NALF1: variants seen among roughly 807,000 people sequenced by gnomAD.
NALF1 encodes NALCN channel auxiliary factor 1.
Under a neutral mutation model 48.4 loss-of-function variants are expected in NALF1, and 3 were observed. That is an observed-to-expected ratio of 0.06 (90% CI 0.03 to 0.16). The LOEUF (loss-of-function observed/expected upper bound fraction) is 0.16. Ranked by LOEUF, NALF1 falls within the 10% of genes least tolerant of loss-of-function variation. The pLI is 1.00. For synonymous variants in NALF1, 262 were observed against 245.7 expected (o/e 1.07, Z -0.62); for missense variants, 526 against 571.5 (o/e 0.92, Z 0.81).
At chr13:107,790,168 T>C (rs992148364) in intron 1 of NALF1, among the ~76,000 whole-genome samples, 3 of 152,200 alleles carry the variant, frequency 2.0e-5, no homozygotes, top group Non-Finnish European at 4.4e-5. Flanking sequence ...CAACCATCAA[T>C]GTTTATTAAG....
chr13:107,720,379 C>T (rs989260159), intron 1 of NALF1, among the ~76,000 whole-genome samples: 6 of 151,948 alleles, frequency 3.9e-5, no homozygotes, highest in Admixed American at 6.5e-5. Flanking sequence ...GGCGCGGTGG[C>T]GCACACCTGT....
chr13:107,385,347 G>T (rs755908197), intron 1 of NALF1, among the ~76,000 whole-genome samples: 4 of 152,104 alleles, frequency 2.6e-5, no homozygotes, highest in Non-Finnish European at 5.9e-5. Flanking sequence ...GAGGTCAGGA[G>T]TTCAAGACCA....
chr13:107,742,773 C>T (rs1489265004), intron 1 of NALF1, among the ~76,000 whole-genome samples: 2 of 152,184 alleles, frequency 1.3e-5, no homozygotes, highest in Admixed American at 1.3e-4. Context: ...TGAGCAGATG[C>T]CAAGTCCATT....
At chr13:107,856,951 G>T (rs1880453393) in intron 1 of NALF1, among the ~76,000 whole-genome samples, 2 of 152,164 alleles carry the variant, frequency 1.3e-5, no homozygotes, top group South Asian at 4.1e-4. Context: ...GTAGAGCAGA[G>T]ATCTTCTTGC....
At chr13:107,334,098 A>T (rs1055781801) in intron 1 of NALF1, among the ~76,000 whole-genome samples, 1 of 152,194 alleles carries the variant, frequency 6.6e-6, no homozygotes, top group Non-Finnish European at 1.5e-5. Context: ...GAAACTAAAC[A>T]TAAATTAAAT....
chr13:107,641,736 C>A (rs1880162391), intron 1 of NALF1, among the ~76,000 whole-genome samples: 1 of 152,160 alleles, frequency 6.6e-6, no homozygotes, highest in Non-Finnish European at 1.5e-5. Context: ...GATGGCAGAT[C>A]TTGTATCAGG....
At chr13:107,278,910 C>A (rs548229885) in intron 1 of NALF1, among the ~76,000 whole-genome samples, 2 of 152,186 alleles carry the variant, frequency 1.3e-5, no homozygotes, top group South Asian at 4.1e-4. Flanking sequence ...TTATCCTTTC[C>A]ATATTGCAGT....
intron 1 of NALF1, among the ~76,000 whole-genome samples, chr13:107,595,837 A>T (rs1475173238): frequency 6.6e-6 from 1 of 152,106 alleles, no homozygotes; most frequent in African/African-American, 2.4e-5. Context: ...TCAATAGATG[A>T]TCATGTGATC....
rs528293643 is a variant in NALF1 at position 107,831,354 on chromosome 13, C to T, written c.915+34328G>A. Among the ~76,000 whole-genome samples, 53 of 151,970 alleles carry T rather than the reference C, an allele frequency of 3.5e-4. No individual in the cohort carries two copies. The Middle Eastern group carries it at 0.014, about 39-fold the overall frequency. On this transcript the variant is annotated intron_variant, in intron 1 of 2. Coordinates refer to ENST00000375915, the MANE Select transcript of NALF1 (RefSeq NM_001080396.3). ...ATTAAAACTCTTAAAAAGTAAGCCTCGGCACTTAATAAGATTGGCAATTAT... is the reference window on the plus strand; with the variant it reads ...ATTAAAACTCTTAAAAAGTAAGCCTTGGCACTTAATAAGATTGGCAATTAT...
At chr13:107,762,544 C>G (rs561281250) in intron 1 of NALF1, among the ~76,000 whole-genome samples, 1 of 152,076 alleles carries the variant, frequency 6.6e-6, no homozygotes, top group East Asian at 1.9e-4. Flanking sequence ...ATGATGGGAA[C>G]TAGAAAGACA....
intron 1 of NALF1, among the ~76,000 whole-genome samples, chr13:107,582,633 C>G (rs912508131): frequency 6.6e-6 from 1 of 152,040 alleles, no homozygotes; most frequent in Non-Finnish European, 1.5e-5. Flanking sequence ...CAAATTGTTT[C>G]TTTTCTTAAA....
chr13:107,250,843 T>C (rs1880684819), intron 1 of NALF1, among the ~76,000 whole-genome samples: 1 of 152,102 alleles, frequency 6.6e-6, no homozygotes, highest in Admixed American at 6.5e-5. Flanking sequence ...AGTGAGTAAG[T>C]TCTCGCTGGT....
At chr13:107,421,890 C>A (rs995134640) in intron 1 of NALF1, among the ~76,000 whole-genome samples, 1 of 152,106 alleles carries the variant, frequency 6.6e-6, no homozygotes, top group Non-Finnish European at 1.5e-5. Context: ...AGTCCTAGTA[C>A]AAAACTTTGG....
At chr13:107,500,658 T>A (rs1875492804) in intron 1 of NALF1, among the ~76,000 whole-genome samples, 1 of 151,078 alleles carries the variant, frequency 6.6e-6, no homozygotes, top group Non-Finnish European at 1.5e-5. Context: ...TGCACACGTA[T>A]GTTTATTGTG....
chr13:107,633,472 G>A (rs1195241328), intron 1 of NALF1, among the ~76,000 whole-genome samples: 2 of 151,744 alleles, frequency 1.3e-5, no homozygotes, highest in Non-Finnish European at 2.9e-5. Context: ...TGATCTTTGT[G>A]AATGACCATT....
At chr13:107,654,546 C>T (rs1436456409) in intron 1 of NALF1, among the ~76,000 whole-genome samples, 1 of 152,054 alleles carries the variant, frequency 6.6e-6, no homozygotes, top group Non-Finnish European at 1.5e-5. Flanking sequence ...CAGGTGGATT[C>T]ACAGCTGAGT....
chr13:107,488,721 G>A (rs1885368908), intron 1 of NALF1, among the ~76,000 whole-genome samples: 1 of 152,052 alleles, frequency 6.6e-6, no homozygotes, highest in Admixed American at 6.6e-5. Context: ...CACAAGAGAA[G>A]AATTTCCTCT....
intron 1 of NALF1, among the ~76,000 whole-genome samples, chr13:107,760,423 C>T (rs1299754344): frequency 2.6e-5 from 4 of 152,082 alleles, no homozygotes. Context: ...TGGAAAGTCT[C>T]GATGGATGTC....
intron 1 of NALF1, among the ~76,000 whole-genome samples, chr13:107,308,284 C>T (rs1481017193): frequency 2.7e-5 from 4 of 145,602 alleles, no homozygotes; most frequent in African/African-American, 1.0e-4. Context: ...TCACTGCAAG[C>T]TCCGTCTCCC....
Sources: allele counts gnomAD v4.1 joint callset (sites outside exome capture counted in the v4.1 genomes callset), GRCh38; gene constraint gnomAD v4.1.1; transcripts MANE v1.5; gene names NCBI Gene and HGNC (gene_info 2026-07-23, HGNC 2026-07-21).